SEPTIN9: variants seen among roughly 807,000 people sequenced by gnomAD.
SEPTIN9 encodes septin-9.
A neutral mutation model predicts 56.6 loss-of-function variants in SEPTIN9; 13 were observed. The observed-to-expected ratio is 0.23, with a 90% CI of 0.15 to 0.37. SEPTIN9 has a LOEUF of 0.37. Among genes scored for constraint, SEPTIN9 ranks in the 10% least tolerant of loss-of-function variants. The probability of loss-of-function intolerance (pLI) is 1.00; values close to 1 mark genes in which losing one functional copy is unlikely to be tolerated. For missense variants in SEPTIN9, 650 were observed against 823.1 expected, an observed-to-expected ratio of 0.79 and a Z score of 2.57; for synonymous variants, 332 against 334.1, an observed-to-expected ratio of 0.99 and a Z score of 0.07.
chr17:77,327,803 C>T lies in SEPTIN9; in HGVS notation c.76+20606C>T, dbSNP rs767118362. ...ATAAACAACACACCCTCGAAATCAG[C>T]GAAGAGGCACTGGCTCTGAAACTTT... On this transcript the variant is annotated intron_variant, in intron 2 of 11. Transcript: ENST00000427177. The surrounding 1 kb of genome is among the most constrained non-coding windows in gnomAD (Gnocchi z 5.0). 7.2e-4 allele frequency among the ~76,000 whole-genome samples: 110 copies of T among 152,178 alleles called. No homozygotes were observed. The highest frequency in any genetic ancestry group is 2.2e-4 in the Non-Finnish European group (15 of 68,034).
chr17:77,385,372 T>C (rs943725081), intron 2 of SEPTIN9, among the ~76,000 whole-genome samples: 3 of 151,410 alleles, frequency 2.0e-5, no homozygotes, highest in African/African-American at 2.4e-5. Context: ...TGCTGGGGAC[T>C]TGGAGTTGCC....
At position 77,367,352 on chromosome 17, in the gene SEPTIN9, C is replaced by A. The variant is rs1598261942; in HGVS notation, c.77-34707C>A. Among the ~76,000 whole-genome samples the A allele has an allele frequency of 2.0e-5, 3 of 152,308 alleles. No individual in the cohort carries two copies. The highest frequency in any genetic ancestry group is 3.9e-4 in the East Asian group (2 of 5,192). On this transcript the variant is annotated intron_variant, in intron 2 of 11. Coordinates refer to ENST00000427177, the MANE Select transcript of SEPTIN9 (RefSeq NM_001113491.2). The surrounding 1 kb of genome is among the most constrained non-coding windows in gnomAD (Gnocchi z 4.5). ...AGAATCCATGTGTGTTCTGAACGTC[C>A]CCTCTGCCCCTTTGGGCTCATGCCC...
chr17:77,477,743 C>G (rs757836698), intron 3 of SEPTIN9, among the ~76,000 whole-genome samples: 42 of 152,264 alleles, frequency 2.8e-4, no homozygotes, highest in Admixed American at 5.2e-4. Flanking sequence ...GAAACCAGAG[C>G]CTGAGGCCTC....
intron 3 of SEPTIN9, among the ~76,000 whole-genome samples, chr17:77,458,705 C>T (rs916185496): frequency 6.6e-6 from 1 of 152,144 alleles, no homozygotes; most frequent in African/African-American, 2.4e-5. Context: ...ATGGCAGCCA[C>T]GGGCTGAGTG....
intron 2 of SEPTIN9, among the ~76,000 whole-genome samples, chr17:77,332,999 T>C (rs2033421078): frequency 6.6e-6 from 1 of 152,208 alleles, no homozygotes; most frequent in Non-Finnish European, 1.5e-5. Context: ...AGAGTAGGTA[T>C]AGGGTAGGTA....
rs1378915035 is a variant in SEPTIN9 at position 77,318,110 on chromosome 17, C to T, written c.76+10913C>T. On this transcript the variant is annotated intron_variant, in intron 2 of 11. Coordinates refer to ENST00000427177, the MANE Select transcript of SEPTIN9 (RefSeq NM_001113491.2). This position sits in a 1 kb window ranked among gnomAD's most constrained non-coding sequence, Gnocchi z 4.9. ...TACACTTGAATCATCTCAAAACCAT[C>T]TCCCCACTCCCTGGTCTGTGGAAAA... is the stretch of plus-strand genomic sequence containing the variant. Among the ~76,000 whole-genome samples the T allele has an allele frequency of 2.0e-5, 3 of 152,034 alleles. No homozygotes were observed. The highest frequency in any genetic ancestry group is 1.9e-4 in the East Asian group (1 of 5,186).
Position 77,450,445 on chromosome 17 carries a change from A to T in SEPTIN9, c.722-31699A>T. On this transcript the variant is annotated intron_variant, in intron 3 of 11. Transcript: ENST00000427177. The surrounding 1 kb of genome is among the most constrained non-coding windows in gnomAD (Gnocchi z 6.0). ...CTTTCCATTTGAGTGAATCCCTCCC[A>T]GCCCCCAGCAAGCCCTCGGAACGAG... 1.0e-6 allele frequency: 1 copy of T among 980,076 alleles called. No homozygotes were observed. Among genetic ancestry groups the T allele is most frequent in the Non-Finnish European group, 1.2e-6 (1 of 825,032 alleles). 60.7% of individuals were successfully genotyped at this position (980,076 alleles called of 1,614,324 possible).
chr17:77,398,479 G>T (rs2035796754), intron 2 of SEPTIN9, among the ~76,000 whole-genome samples: 1 of 152,146 alleles, frequency 6.6e-6, no homozygotes. Context: ...AGTGGGCTTG[G>T]CTTTGAGGAG....
Position 77,487,540 on chromosome 17 carries a change from T to G in SEPTIN9, c.1030T>G (p.Ser344Ala), listed in dbSNP as rs1428490614. Residue 344 changes from serine (S) to alanine (A), a missense_variant, in exon 5 of 12, where the codon TCC becomes GCC. Around this residue, in one of 2 missense-constraint regions of SEPTIN9, gnomAD observed 333 missense variants for 494.0 expected, o/e 0.67. Coordinates refer to ENST00000427177, the MANE Select transcript of SEPTIN9 (RefSeq NM_001113491.2). The surrounding 1 kb of genome is among the most constrained non-coding windows in gnomAD (Gnocchi z 4.3). The part of the protein sequence containing the change: ...ERIPKTIEIK[S>A]ITHDIEEKGV... ...CATCCCCAAGACCATCGAGATCAAG[T>G]CCATCACGCACGGTCAGTGGCCGGG... The G allele has an allele frequency of 1.2e-6, 2 of 1,612,558 alleles. No individual in the cohort carries two copies.
At chr17:77,495,146 G>A (rs1425256466) in intron 10 of SEPTIN9, among the ~76,000 whole-genome samples, 1 of 151,926 alleles carries the variant, frequency 6.6e-6, no homozygotes. Context: ...GAGTACCGCA[G>A]GTGGCCGGTG....
Position 77,449,416 on chromosome 17 carries a change from A to C in SEPTIN9, c.722-32728A>C, listed in dbSNP as rs1020589028. Among the ~76,000 whole-genome samples, 1 of 152,172 alleles carries C rather than the reference A, an allele frequency of 6.6e-6. No homozygotes were observed. ...CCTCCCAGCTCAGGAATCCAGAGGC[A>C]GAGGAGGGGAGGAGGCTGGGCTTGG... is the stretch of plus-strand genomic sequence containing the variant. On this transcript the variant is annotated intron_variant, in intron 3 of 11. Transcript: ENST00000427177. This position sits in a 1 kb window ranked among gnomAD's most constrained non-coding sequence, Gnocchi z 4.6.
intron 1 of SEPTIN9, among the ~76,000 whole-genome samples, chr17:77,302,474 T>C (rs2032092821): frequency 6.6e-6 from 1 of 152,008 alleles, no homozygotes; most frequent in Non-Finnish European, 1.5e-5. Context: ...GGTCAGGAGT[T>C]CGAGACCAGC....
intron 11 of SEPTIN9, 76 bp from the exon 12 acceptor site, chr17:77,498,447 C>T (rs898702141): frequency 1.9e-5 from 17 of 873,222 alleles, no homozygotes; most frequent in African/African-American, 5.0e-5. Context: ...CGAGGCAGGC[C>T]GAGCAGGGCC....
At chr17:77,354,940 C>A (rs754385096) in intron 2 of SEPTIN9, among the ~76,000 whole-genome samples, 1 of 152,102 alleles carries the variant, frequency 6.6e-6, no homozygotes, top group Non-Finnish European at 1.5e-5. Context: ...GGCCTTGAGT[C>A]ACTTGCCCGG....
intron 3 of SEPTIN9, among the ~76,000 whole-genome samples, chr17:77,465,326 T>G (rs1324108863): frequency 6.6e-6 from 1 of 152,270 alleles, no homozygotes; most frequent in Non-Finnish European, 1.5e-5. Flanking sequence ...GGTTTTTGTG[T>G]GAACATGTTT....
chr17:77,497,269 A>G, intron 10 of SEPTIN9, 46 bp from the exon 11 acceptor site: 1 of 1,584,584 alleles, frequency 6.3e-7, no homozygotes, highest in Non-Finnish European at 8.6e-7. Context: ...GTCCGGGCAG[A>G]GTTTCTCCAC....
chr17:77,374,248 G>A (rs946017125), intron 2 of SEPTIN9: 2 of 152,684 alleles, frequency 1.3e-5, no homozygotes, highest in African/African-American at 4.8e-5. Flanking sequence ...CCTGCGTGCG[G>A]GCAGGGAGAG....
In SEPTIN9 at chr17:77,393,393, G is replaced by A. The variant is rs964299372; in HGVS notation, c.77-8666G>A. 3.9e-5 allele frequency among the ~76,000 whole-genome samples: 6 copies of A among 152,246 alleles called. No individual in the cohort carries two copies. In the East Asian group the frequency reaches 7.7e-4, roughly 20 times the overall value. On this transcript the variant is annotated intron_variant, in intron 2 of 11. Coordinates refer to ENST00000427177, the MANE Select transcript of SEPTIN9 (RefSeq NM_001113491.2). The stretch of plus-strand genomic sequence containing the variant: ...TAGGAAAGGCTCTGGGTGGAGACAC[G>A]GAAATAGGCCATGTGAAGTCAGTGG...
intron 1 of SEPTIN9, among the ~76,000 whole-genome samples, chr17:77,296,157 G>T (rs1250319622): frequency 6.6e-6 from 1 of 152,120 alleles, no homozygotes; most frequent in Admixed American, 6.5e-5. Flanking sequence ...GCCAGGAAGA[G>T]GGGCCTCGCC....
Sources: allele counts gnomAD v4.1 joint callset (sites outside exome capture counted in the v4.1 genomes callset), GRCh38; gene constraint gnomAD v4.1.1; regional missense constraint gnomAD v4.1.1; non-coding constraint Gnocchi (gnomAD v3.1); transcripts MANE v1.5; gene names NCBI Gene and HGNC (gene_info 2026-07-23, HGNC 2026-07-21).